Variants in KCNN2 observed in about 807,000 individuals in gnomAD.
KCNN2 encodes the protein small conductance calcium-activated potassium channel protein 2.
In KCNN2, 24 loss-of-function variants were observed where a neutral mutation model predicts 55.5. The ratio of observed to expected loss-of-function variants is 0.43; its 90% confidence interval spans 0.31 to 0.61. The LOEUF (loss-of-function observed/expected upper bound fraction) is 0.61, where lower values mean the gene tolerates loss of function less well. KCNN2 is among the 20% of genes least tolerant of loss of function. KCNN2 has a pLI of 0.08. For missense variants in KCNN2, 754 were observed against 853.6 expected (o/e 0.88, Z 1.45); for synonymous variants, 431 against 336.1 (o/e 1.28, Z -3.09).
At chr5:114,386,919 T>A (rs1197459639) in intron 2 of KCNN2, among the ~76,000 whole-genome samples, 1 of 152,220 alleles carries the variant, frequency 6.6e-6, no homozygotes, top group African/African-American at 2.4e-5. Context: ...CTTTCTACTG[T>A]CCTTACTTTC....
intron 2 of KCNN2, among the ~76,000 whole-genome samples, chr5:114,272,157 C>G (rs148679893): frequency 2.3e-3 from 357 of 152,140 alleles, no homozygotes; most frequent in African/African-American, 8.2e-3. Context: ...CTCTCATTCT[C>G]TATCTGCCAC....
chr5:114,323,009 T>C (rs1756640794), intron 2 of KCNN2, among the ~76,000 whole-genome samples: 1 of 152,218 alleles, frequency 6.6e-6, no homozygotes, highest in African/African-American at 2.4e-5. Context: ...TTCTTTGTGT[T>C]CATAAGTGCT....
chr5:114,360,408 A>C (rs1757382429), upstream of KCNN2, among the ~76,000 whole-genome samples: 1 of 152,182 alleles, frequency 6.6e-6, no homozygotes, highest in Non-Finnish European at 1.5e-5. Flanking sequence ...CTAATGACCT[A>C]ATGAGGGTGA....
intron 3 of KCNN2, among the ~76,000 whole-genome samples, chr5:114,458,738 G>A (rs1761050178): frequency 6.6e-6 from 1 of 152,140 alleles, no homozygotes; most frequent in Admixed American, 6.5e-5. Flanking sequence ...GATGTTCCTG[G>A]GATACAGAGA....
At chr5:114,392,097 T>C (rs1758465634) in intron 2 of KCNN2, among the ~76,000 whole-genome samples, 1 of 152,200 alleles carries the variant, frequency 6.6e-6, no homozygotes, top group Non-Finnish European at 1.5e-5. Flanking sequence ...CAAAGGAGTC[T>C]GGGGAAATTG....
intron 2 of KCNN2, among the ~76,000 whole-genome samples, chr5:114,279,487 T>C (rs1755573202): frequency 1.3e-5 from 2 of 152,102 alleles, no homozygotes; most frequent in Admixed American, 6.6e-5. Flanking sequence ...TGTGTGGTGT[T>C]CCCCACCGTG....
chr5:114,385,109 A>G (rs2150059558), intron 2 of KCNN2, among the ~76,000 whole-genome samples: 1 of 152,272 alleles, frequency 6.6e-6, no homozygotes, highest in African/African-American at 2.4e-5. Flanking sequence ...TGTTTCTGTT[A>G]AAATTAGTGA....
Position 114,275,442 on chromosome 5 carries a change from C to A in KCNN2, c.-185+53877C>A, listed in dbSNP as rs527388277. On this transcript the variant is annotated intron_variant, in intron 2 of 10. Transcript: ENST00000512097. ...TCCTCTTTGTACCTCTGGTAGAATT[C>A]GGCTGTGAATCTGTCTGGTCCTGGA... Among the ~76,000 whole-genome samples, 5 of 152,138 alleles carry A rather than the reference C, an allele frequency of 3.3e-5. No individual in the cohort carries two copies. The East Asian group carries it at 9.7e-4, about 30-fold the overall frequency.
intron 1 of KCNN2, among the ~76,000 whole-genome samples, chr5:114,207,185 C>T (rs143326634): frequency 5.3e-5 from 8 of 152,160 alleles, no homozygotes; most frequent in African/African-American, 9.6e-5. Context: ...AACACTGGAC[C>T]GTCAAACACC....
chr5:114,178,378 A>T (rs779257566), intron 1 of KCNN2, among the ~76,000 whole-genome samples: 2 of 152,224 alleles, frequency 1.3e-5, no homozygotes, highest in African/African-American at 4.8e-5. Flanking sequence ...ATAAATTCAC[A>T]CACAGCTCAG....
intron 1 of KCNN2, among the ~76,000 whole-genome samples, chr5:114,152,145 A>T (rs751323085): frequency 7.9e-5 from 12 of 152,154 alleles, no homozygotes; most frequent in Non-Finnish European, 1.8e-4. Context: ...GTCTCATTAT[A>T]GTTCCAATTA....
chr5:114,073,931 G>A (rs574341858), intron 1 of KCNN2, among the ~76,000 whole-genome samples: 2 of 152,242 alleles, frequency 1.3e-5, no homozygotes, highest in Admixed American at 1.3e-4. Context: ...CCTCAGTTTT[G>A]TACACAGTGA....
intron 4 of KCNN2, among the ~76,000 whole-genome samples, chr5:114,466,329 G>C (rs560495973): frequency 1.3e-5 from 2 of 152,174 alleles, no homozygotes; most frequent in Admixed American, 1.3e-4. Context: ...TTGTACTTTT[G>C]GTTGAAGATG....
intron 5 of KCNN2, among the ~76,000 whole-genome samples, chr5:114,479,606 G>A (rs1433239292): frequency 1.3e-5 from 2 of 151,954 alleles, no homozygotes; most frequent in African/African-American, 4.8e-5. Flanking sequence ...GGCACTTAAT[G>A]TAAAATTGGT....
chr5:114,375,305 A>G, intron 2 of KCNN2, among the ~76,000 whole-genome samples: 1 of 152,170 alleles, frequency 6.6e-6, no homozygotes, highest in East Asian at 1.9e-4. Context: ...AATGTGACAT[A>G]AAAGTGATGG....
intron 1 of KCNN2, among the ~76,000 whole-genome samples, chr5:114,079,524 G>C (rs754485878): frequency 6.6e-6 from 1 of 152,158 alleles, no homozygotes; most frequent in East Asian, 1.9e-4. Context: ...AGCCTTAGCT[G>C]TCTATTCACT....
chr5:114,284,917 G>T (rs1755704707), intron 2 of KCNN2, among the ~76,000 whole-genome samples: 1 of 151,998 alleles, frequency 6.6e-6, no homozygotes, highest in Non-Finnish European at 1.5e-5. Flanking sequence ...AGCCTCTAGA[G>T]CTGTGAAAAA....
intron 2 of KCNN2, among the ~76,000 whole-genome samples, chr5:114,269,945 G>A (rs529214830): frequency 6.6e-6 from 1 of 152,164 alleles, no homozygotes; most frequent in Non-Finnish European, 1.5e-5. Context: ...ATTTGCAAAC[G>A]TTATTGTCCT....
At chr5:114,444,048 G>A (rs1338559515) in intron 3 of KCNN2, among the ~76,000 whole-genome samples, 1 of 152,198 alleles carries the variant, frequency 6.6e-6, no homozygotes, top group Non-Finnish European at 1.5e-5. Flanking sequence ...TGGAGACAAG[G>A]AAAGAGGTAG....
Sources: allele counts gnomAD v4.1 joint callset (sites outside exome capture counted in the v4.1 genomes callset), GRCh38; gene constraint gnomAD v4.1.1; transcripts MANE v1.5; gene names NCBI Gene and HGNC (gene_info 2026-07-23, HGNC 2026-07-21).